Variants in PGM5 observed in about 807,000 individuals in gnomAD.
PGM5 encodes the protein phosphoglucomutase 5, also known as phosphoglucomutase-like protein 5.
In PGM5, 23 loss-of-function variants were observed where a neutral mutation model predicts 59.2. The ratio of observed to expected loss-of-function variants is 0.39; its 90% CI spans 0.28 to 0.55. PGM5 has a LOEUF of 0.55. PGM5 is among the 20% of genes least tolerant of loss of function. PGM5 has a pLI of 0.66. For synonymous variants in PGM5, 214 were observed against 286.0 expected (o/e 0.75, Z 2.54); for missense variants, 574 against 748.3 (o/e 0.77, Z 2.72).
At chr9:68,395,637 T>C (rs1474719317) in intron 6 of PGM5, 2 of 152,202 alleles carry the variant, frequency 1.3e-5, no homozygotes, top group Non-Finnish European at 2.9e-5. Context: ...TAATTTTTAA[T>C]GTAGAGATCT....
intron 7 of PGM5, among the ~76,000 whole-genome samples, chr9:68,474,092 T>A (rs1824065114): frequency 6.6e-6 from 1 of 152,234 alleles, no homozygotes; most frequent in East Asian, 1.9e-4. Context: ...CCCAAGGAGT[T>A]TTTAAAAAAG....
chr9:68,397,305 G>C (rs1822535611), intron 6 of PGM5: 1 of 152,658 alleles, frequency 6.6e-6, no homozygotes, highest in Admixed American at 6.5e-5. Flanking sequence ...TAATATTTAT[G>C]AAGCACCCAT....
intron 6 of PGM5, chr9:68,402,448 T>G (rs1822698191): frequency 6.6e-6 from 1 of 152,236 alleles, no homozygotes. Context: ...GCATAGAGGT[T>G]TGTATTTACT....
intron 10 of PGM5, among the ~76,000 whole-genome samples, 188 bp downstream of exon 10, chr9:68,499,549 T>C (rs1264372561): frequency 1.3e-5 from 2 of 152,234 alleles, no homozygotes; most frequent in African/African-American, 4.8e-5. Context: ...ACAGAAAAAT[T>C]GCTCTCTCGC....
At chr9:68,481,828 G>C (rs1236766403) in intron 8 of PGM5, among the ~76,000 whole-genome samples, 11 of 152,148 alleles carry the variant, frequency 7.2e-5, no homozygotes, top group African/African-American at 2.7e-4. Flanking sequence ...AAAGGGAGGA[G>C]AAAATACATA....
At chr9:68,417,773 C>T (rs1406690411) in intron 6 of PGM5, among the ~76,000 whole-genome samples, 1 of 152,184 alleles carries the variant, frequency 6.6e-6, no homozygotes, top group Non-Finnish European at 1.5e-5. Flanking sequence ...TTCTATGCGG[C>T]CACCCAGATT....
chr9:68,362,875 T>G (rs2987706), intron 1 of PGM5, among the ~76,000 whole-genome samples: 1 of 144,272 alleles, frequency 6.9e-6, no homozygotes, highest in Non-Finnish European at 1.5e-5. Context: ...CTTTTTTTTT[T>G]TTTTTTTTTT....
intron 6 of PGM5, among the ~76,000 whole-genome samples, chr9:68,393,467 C>T (rs191222481): frequency 5.1e-3 from 733 of 143,512 alleles, no homozygotes; most frequent in Non-Finnish European, 6.2e-3. Flanking sequence ...AAATTTTGGC[C>T]GGGCGTGGCG....
intron 7 of PGM5, among the ~76,000 whole-genome samples, chr9:68,478,626 A>G (rs1346035188): frequency 6.6e-6 from 1 of 152,168 alleles, no homozygotes; most frequent in Non-Finnish European, 1.5e-5. Context: ...TGCCTCTTTC[A>G]GTTTCTGGTG....
At chr9:68,406,836 A>G (rs1228533638) in intron 6 of PGM5, among the ~76,000 whole-genome samples, 1 of 149,926 alleles carries the variant, frequency 6.7e-6, no homozygotes, top group Non-Finnish European at 1.5e-5. Flanking sequence ...TAGGCAGTGG[A>G]TTCTCATGAG....
At chr9:68,357,491 C>G in intron 1 of PGM5, 103 bp downstream of exon 1, 1 of 1,505,512 alleles carries the variant, frequency 6.6e-7, no homozygotes. Context: ...GGCCCCTGCC[C>G]GGCCCCGGCT....
intron 10 of PGM5, among the ~76,000 whole-genome samples, chr9:68,515,369 C>T (rs1824809630): frequency 6.6e-6 from 1 of 152,198 alleles, no homozygotes; most frequent in Non-Finnish European, 1.5e-5. Flanking sequence ...CTCCGTAAGA[C>T]TCAGGTGGCC....
intron 6 of PGM5, among the ~76,000 whole-genome samples, chr9:68,443,691 T>C (rs1823566117): frequency 6.6e-6 from 1 of 152,232 alleles, no homozygotes; most frequent in Admixed American, 6.5e-5. Flanking sequence ...AGATAGACGG[T>C]CATTTCAAAG....
At chr9:68,476,772 T>A (rs1554686694) in intron 7 of PGM5, among the ~76,000 whole-genome samples, 3 of 152,236 alleles carry the variant, frequency 2.0e-5, no homozygotes, top group African/African-American at 7.2e-5. Flanking sequence ...TACTATGCAA[T>A]TGGCTACAAA....
chr9:68,514,292 G>A (rs1554689581), intron 10 of PGM5, among the ~76,000 whole-genome samples: 1 of 151,910 alleles, frequency 6.6e-6, no homozygotes, highest in Non-Finnish European at 1.5e-5. Context: ...AACTTAAGGA[G>A]GCCCTATCTC....
chr9:68,417,379 C>G (rs570244833), intron 6 of PGM5, among the ~76,000 whole-genome samples: 1 of 152,038 alleles, frequency 6.6e-6, no homozygotes, highest in Non-Finnish European at 1.5e-5. Flanking sequence ...CCCCTAGATC[C>G]CTGTCAAATC....
chr9:68,477,191 G>C (rs1824121697), intron 7 of PGM5, among the ~76,000 whole-genome samples: 1 of 152,188 alleles, frequency 6.6e-6, no homozygotes, highest in Admixed American at 6.5e-5. Flanking sequence ...TGTTAACCCA[G>C]AGGCAACCAC....
At chr9:68,451,365 T>G (rs142365523) in intron 6 of PGM5, among the ~76,000 whole-genome samples, 39 of 152,366 alleles carry the variant, frequency 2.6e-4, no homozygotes, top group African/African-American at 9.1e-4. Context: ...TATATTTTCT[T>G]CTTTTGAAAG....
intron 6 of PGM5, among the ~76,000 whole-genome samples, chr9:68,456,397 G>A (rs550797986): frequency 1.5e-4 from 22 of 151,012 alleles, no homozygotes; most frequent in African/African-American, 4.6e-4. Context: ...TGCAATCTCC[G>A]CCTCCCAGGT....
Sources: allele counts gnomAD v4.1 joint callset (sites outside exome capture counted in the v4.1 genomes callset), GRCh38; gene constraint gnomAD v4.1.1; transcripts MANE v1.5; gene names NCBI Gene and HGNC (gene_info 2026-07-23, HGNC 2026-07-21).